Variants in ERC1 observed in about 807,000 individuals in gnomAD.
ERC1 encodes RAB6 interacting protein 2.
ERC1 carries 56 observed loss-of-function variants against 132.0 expected under a neutral mutation model. The observed-to-expected ratio is 0.42, with a 90% CI of 0.34 to 0.53. ERC1 has a LOEUF of 0.53. ERC1 is among the 20% of genes least tolerant of loss of function. The probability of loss-of-function intolerance (pLI) is 0.03; values close to 1 mark genes in which losing one functional copy is unlikely to be tolerated. For synonymous variants in ERC1, 478 were observed against 476.1 expected, an observed-to-expected ratio of 1.00 and a Z score of -0.05; for missense variants, 1,202 against 1,349.9, an observed-to-expected ratio of 0.89 and a Z score of 1.72.
chr12:1,189,753 T>C (rs1955516430), intron 11 of ERC1, 106 bp from the exon 12 acceptor site: 1 of 833,608 alleles, frequency 1.2e-6, no homozygotes. Context: ...CTGGTAGATA[T>C]TTGATAATTC....
intron 17 of ERC1, among the ~76,000 whole-genome samples, chr12:1,415,463 C>G (rs2092071164): frequency 6.6e-6 from 1 of 152,170 alleles, no homozygotes; most frequent in Admixed American, 6.5e-5. Flanking sequence ...ACTTTTAAGA[C>G]AAGTGTTGTA....
At chr12:1,151,088 A>G (rs1420422939) in intron 8 of ERC1, among the ~76,000 whole-genome samples, 1 of 152,240 alleles carries the variant, frequency 6.6e-6, no homozygotes, top group Non-Finnish European at 1.5e-5. Flanking sequence ...CTGCAAATCC[A>G]AAACTATTCT....
chr12:1,244,518 G>A (rs760842363), intron 13 of ERC1: 129 of 451,092 alleles, frequency 2.9e-4, no homozygotes, highest in Non-Finnish European at 4.6e-4. Flanking sequence ...TTGTTTGTTT[G>A]TTTGTTTGTT....
intron 16 of ERC1, among the ~76,000 whole-genome samples, chr12:1,376,462 A>G (rs2087928692): frequency 6.6e-6 from 1 of 152,162 alleles, no homozygotes; most frequent in Non-Finnish European, 1.5e-5. Flanking sequence ...GAATTCTGTG[A>G]AAATAGAGCA....
At chr12:1,110,369 G>T in intron 5 of ERC1, 22 bp downstream of exon 5, 1 of 1,567,602 alleles carries the variant, frequency 6.4e-7, no homozygotes, top group South Asian at 1.2e-5. Flanking sequence ...TGAGACTTTT[G>T]ATTCTTAAAA....
At chr12:1,114,674 C>G (rs375062587) in intron 6 of ERC1, among the ~76,000 whole-genome samples, 1 of 142,258 alleles carries the variant, frequency 7.0e-6, no homozygotes, top group African/African-American at 2.7e-5. Context: ...CTCTTGGGTA[C>G]ATACTATTTT....
At chr12:1,355,349 G>GA (rs1220123045) in intron 15 of ERC1, among the ~76,000 whole-genome samples, 2 of 151,942 alleles carry the variant, frequency 1.3e-5, no homozygotes, top group Non-Finnish European at 2.9e-5. Flanking sequence ...TTTAAAAATG[G>GA]AAAAGCCATT....
intron 1 of ERC1, among the ~76,000 whole-genome samples, chr12:1,002,423 G>C (rs931174250): frequency 2.7e-5 from 4 of 149,264 alleles, no homozygotes; most frequent in African/African-American, 9.9e-5. Flanking sequence ...CTGAGCTCAA[G>C]TAATCTGCCT....
At chr12:997,346 G>T (rs139925356) in intron 1 of ERC1, among the ~76,000 whole-genome samples, 1 of 152,172 alleles carries the variant, frequency 6.6e-6, no homozygotes, top group South Asian at 2.1e-4. Flanking sequence ...TGGAAAGTAC[G>T]AACATATGTG....
At chr12:1,349,968 T>G (rs2084854074) in intron 15 of ERC1, among the ~76,000 whole-genome samples, 1 of 152,196 alleles carries the variant, frequency 6.6e-6, no homozygotes, top group African/African-American at 2.4e-5. Context: ...TGTCTCCAGG[T>G]CCACTCTACT....
At chr12:1,393,263 T>C (rs2154383382) in intron 16 of ERC1, among the ~76,000 whole-genome samples, 2 of 152,334 alleles carry the variant, frequency 1.3e-5, no homozygotes, top group South Asian at 4.1e-4. Flanking sequence ...TGTGGTGGCT[T>C]ACGCCTGTAA....
At chr12:1,444,937 A>C in intron 18 of ERC1, 187 bp downstream of exon 18, 1 of 356,554 alleles carries the variant, frequency 2.8e-6, no homozygotes. Context: ...CCATGTTTAG[A>C]TTCAAGATTT....
In ERC1 at chr12:1,495,903, C is replaced by T. The variant is rs2094352377; in HGVS notation, c.*5673C>T. 5.4e-6 allele frequency: 1 copy of T among 184,544 alleles called. No individual in the cohort carries two copies. 11.4% of individuals were successfully genotyped at this position (184,544 alleles called of 1,614,324 possible). On this transcript the variant is annotated 3_prime_UTR_variant, in exon 19 of 19. Coordinates refer to ENST00000360905, the MANE Select transcript of ERC1 (RefSeq NM_178040.4). ...CTTTTTTATTCACAAACTAAATCCA[C>T]CAGGAAATTATAAAGTTATTTAAAA...
At chr12:1,367,313 C>A (rs1805383586) in intron 15 of ERC1, among the ~76,000 whole-genome samples, 1 of 152,140 alleles carries the variant, frequency 6.6e-6, no homozygotes, top group South Asian at 2.1e-4. Context: ...TTATCTTGTT[C>A]TAGTTTTAAT....
intron 15 of ERC1, among the ~76,000 whole-genome samples, chr12:1,365,995 T>C (rs1188413390): frequency 1.3e-5 from 2 of 152,198 alleles, no homozygotes; most frequent in African/African-American, 4.8e-5. Context: ...ATTTCACTTA[T>C]GTGAGGCACC....
At chr12:1,122,571 G>GTCTCTATCTCTATCTCTATCTA (rs1566021382) in intron 7 of ERC1, among the ~76,000 whole-genome samples, 1 of 4,120 alleles carries the variant, frequency 2.4e-4, no homozygotes, top group Admixed American at 2.2e-3. Flanking sequence ...CTCTATCTGT[G>GTCTCTATCTCTATCTCTATCTA]TCTCTATCTC....
intron 8 of ERC1, among the ~76,000 whole-genome samples, chr12:1,154,041 T>C (rs1020310685): frequency 6.6e-6 from 1 of 152,038 alleles, no homozygotes; most frequent in Non-Finnish European, 1.5e-5. Flanking sequence ...TCTGTATGCC[T>C]TTGGGTACTC....
At chr12:1,452,946 CT>C (rs2093456681) in intron 18 of ERC1, among the ~76,000 whole-genome samples, 1 of 152,180 alleles carries the variant, frequency 6.6e-6, no homozygotes, top group Non-Finnish European at 1.5e-5. Flanking sequence ...TGGATTGCCA[CT>C]TTCATACGTT....
At chr12:1,241,968 C>T (rs1398133619) in intron 13 of ERC1, among the ~76,000 whole-genome samples, 1 of 147,906 alleles carries the variant, frequency 6.8e-6, no homozygotes, top group Non-Finnish European at 1.5e-5. Flanking sequence ...AAGTGATTCT[C>T]CTGCCTCAGC....
Sources: gnomAD v4.1 joint callset for allele counts (sites outside exome capture counted in the v4.1 genomes callset) on GRCh38, gnomAD v4.1.1 for gene constraint, MANE v1.5 for transcripts, NCBI Gene and HGNC (gene_info 2026-07-23, HGNC 2026-07-21) for gene names.